GALNS: variants seen among roughly 807,000 people sequenced by gnomAD.
GALNS encodes the protein N-acetylgalactosamine-6-sulfatase.
In GALNS, 65 loss-of-function variants were observed where a neutral mutation model predicts 65.9. That is an observed-to-expected ratio of 0.99 (90% CI 0.81 to 1.21). GALNS has a LOEUF of 1.21. GALNS is among the 50% of genes most tolerant of loss of function. The pLI is 0.00. For missense variants in GALNS, 776 were observed against 700.7 expected, an observed-to-expected ratio of 1.11 and a Z score of -1.21; for synonymous variants, 346 against 288.9, an observed-to-expected ratio of 1.20 and a Z score of -2.00.
At position 88,856,810 on chromosome 16, in the gene GALNS, CCCA is replaced by C. The variant is rs1215205409; in HGVS notation, c.65_67del (p.Met22_Gly23delinsArg). 6.5e-7 allele frequency: 1 copy of C among 1,538,490 alleles called. No homozygotes were observed. ...GGGGGGCTGCGGGGCGCCCGAGGCC[CCCA>C]TCCCCGCGGCGCTGAGCACCAGCAA... On this transcript the variant is annotated inframe_deletion, in exon 1 of 14. Transcript: ENST00000268695.
chr16:88,832,013 G>A lies in GALNS; in HGVS notation c.987C>T (p.His329=), dbSNP rs750730964. The A allele has an allele frequency of 1.7e-5, 28 of 1,613,284 alleles. No homozygotes were observed. The highest frequency in any genetic ancestry group is 6.6e-5 in the South Asian group (6 of 91,058). ...REPALAWWPG[H]VTAGQVSHQL... The stretch of plus-strand genomic sequence containing the variant: ...GCTGACTCACCTGGCCTGCAGTGAC[G>A]TGCCCTGGCCACCATGCGAGGGCAG... Residue 329 remains histidine (H), a synonymous_variant, in exon 9 of 14, where the codon CAC becomes CAT. Transcript: ENST00000268695.
chr16:88,836,884 C>T (rs906030770), intron 5 of GALNS, among the ~76,000 whole-genome samples: 22 of 152,318 alleles, frequency 1.4e-4, no homozygotes, highest in African/African-American at 2.6e-4. Context: ...GGGGAGCCGC[C>T]GCTCAGGCCA....
intron 1 of GALNS, chr16:88,855,371 C>G (rs546808095): frequency 2.8e-6 from 2 of 702,532 alleles, no homozygotes; most frequent in Admixed American, 2.0e-5. Flanking sequence ...AGTATCTACA[C>G]TGGCCCAGAG....
intron 1 of GALNS, among the ~76,000 whole-genome samples, chr16:88,852,197 T>G (rs1233746343): frequency 1.3e-5 from 2 of 152,218 alleles, no homozygotes; most frequent in Non-Finnish European, 2.9e-5. Flanking sequence ...TATTCTGCAA[T>G]AGTTGCTGTT....
chr16:88,842,647 G>C, intron 2 of GALNS, 59 bp downstream of exon 2: 1 of 1,595,082 alleles, frequency 6.3e-7, no homozygotes, highest in East Asian at 2.3e-5. Context: ...GGAAGGACCC[G>C]GGAGGCCTCG....
At chr16:88,821,313 G>A (rs1030771435) in intron 12 of GALNS, among the ~76,000 whole-genome samples, 30 of 131,812 alleles carry the variant, frequency 2.3e-4, no homozygotes, top group Non-Finnish European at 3.3e-5. Context: ...GTCTCGTCCC[G>A]TGGCCTTCAC....
intron 1 of GALNS, chr16:88,855,620 T>C (rs1967790490): frequency 1.3e-5 from 8 of 629,206 alleles, no homozygotes; most frequent in Non-Finnish European, 1.4e-5. Context: ...TCTGTTATCT[T>C]TTCAAGTATA....
chr16:88,815,510 C>A, intron 13 of GALNS: 1 of 985,496 alleles, frequency 1.0e-6, no homozygotes, highest in Non-Finnish European at 1.2e-6. Flanking sequence ...TTAGCGGAAG[C>A]CTTGCTTGAT....
chr16:88,853,612 G>A (rs894572533), intron 1 of GALNS, among the ~76,000 whole-genome samples: 2 of 152,202 alleles, frequency 1.3e-5, no homozygotes, highest in African/African-American at 4.8e-5. Context: ...GCTCGCCCTG[G>A]GAGGCAGGAG....
intron 13 of GALNS, chr16:88,816,512 C>T: frequency 1.1e-6 from 1 of 883,462 alleles, no homozygotes; most frequent in Non-Finnish European, 1.4e-6. Context: ...ACTTGCCAGG[C>T]ACCCCCGCCC....
chr16:88,817,995 C>A lies in GALNS; in HGVS notation c.1482+12G>T. On this transcript the variant is annotated intron_variant, in intron 13 of 13. Transcript: ENST00000268695. ...CGGCAAAGAGACGGCCGCCCACACACCAGCCACTTACCATGACCGCCCAGT... is the reference window on the plus strand; with the variant it reads ...CGGCAAAGAGACGGCCGCCCACACAACAGCCACTTACCATGACCGCCCAGT... 6.4e-7 allele frequency: 1 copy of A among 1,569,210 alleles called. No individual in the cohort carries two copies. Among genetic ancestry groups the A allele is most frequent in the East Asian group, 2.3e-5 (1 of 42,620 alleles).
rs117279964 is a variant in GALNS at position 88,824,551 on chromosome 16, G to A, written c.1242+216C>T. 2.0e-4 allele frequency among the ~76,000 whole-genome samples: 30 copies of A among 152,242 alleles called. No individual in the cohort carries two copies. The East Asian group carries it at 5.4e-3, about 27-fold the overall frequency. On this transcript the variant is annotated intron_variant, in intron 11 of 13. Transcript: ENST00000268695. ...TATGCCGCGGGGCTACTGTCATCACGCGGGGCAGGAAGAGGTCCCTCCCTC... is the reference window on the plus strand; with the variant it reads ...TATGCCGCGGGGCTACTGTCATCACACGGGGCAGGAAGAGGTCCCTCCCTC...
intron 12 of GALNS, among the ~76,000 whole-genome samples, chr16:88,820,181 T>C (rs1465319086): frequency 6.6e-6 from 1 of 151,748 alleles, no homozygotes; most frequent in Non-Finnish European, 1.5e-5. Context: ...CAGGCTGGAG[T>C]GCAGTGGTGC....
Position 88,835,843 on chromosome 16 carries a change from G to A in GALNS, c.640C>T (p.Leu214=). ...NLTQIYLQEA[L]DFIKRQARHH... ...CGTGCCTGTCTCTTAATGAAGTCCA[G>A]GGCTTCCTATGGAGAGAGCCACACC... Residue 214 remains leucine (L), a synonymous_variant, in exon 7 of 14, where the codon CTG becomes TTG. Coordinates refer to ENST00000268695, the MANE Select transcript of GALNS (RefSeq NM_000512.5). The A allele has an allele frequency of 6.2e-7, 1 of 1,614,046 alleles. No homozygotes were observed. Among genetic ancestry groups the A allele is most frequent in the Non-Finnish European group, 8.5e-7 (1 of 1,180,010 alleles).
At chr16:88,820,821 G>A (rs114582428) in intron 12 of GALNS, among the ~76,000 whole-genome samples, 9 of 152,362 alleles carry the variant, frequency 5.9e-5, no homozygotes, top group African/African-American at 1.9e-4. Context: ...AACCTCGGGT[G>A]GTCCCTGGAG....
In GALNS at chr16:88,822,604, T is replaced by C. The variant is rs2142992313; in HGVS notation, c.1349A>G (p.Glu450Gly). The change falls in exon 12 of 14, where the codon GAG becomes GGG. Residue 450 changes from glutamate (E) to glycine (G), a missense_variant. Coordinates refer to ENST00000268695, the MANE Select transcript of GALNS (RefSeq NM_000512.5). ...ACCGACTCACCTGAGGGGGAACCTCTCCCCTGGGTCCCGTCCCAGGTGGAA... is the reference window on the plus strand; with the variant it reads ...ACCGACTCACCTGAGGGGGAACCTCCCCCCTGGGTCCCGTCCCAGGTGGAA... ...LIFHLGRDPGERFPLSFASAE... is the reference protein window; with the variant it reads ...LIFHLGRDPGGRFPLSFASAE... The C allele has an allele frequency of 6.2e-7, 1 of 1,612,582 alleles. No individual in the cohort carries two copies. The highest frequency in any genetic ancestry group is 8.5e-7 in the Non-Finnish European group (1 of 1,179,710).
intron 4 of GALNS, 63 bp downstream of exon 4, chr16:88,840,921 ATGTCCCTT>A: frequency 8.3e-7 from 1 of 1,207,940 alleles, no homozygotes; most frequent in South Asian, 1.2e-5. Context: ...ACTTGTGGCC[ATGTCCCTT>A]GGAACCAAGG....
At chr16:88,817,912 G>A (rs1355319622) in intron 13 of GALNS, 95 bp downstream of exon 13, 1 of 1,051,872 alleles carries the variant, frequency 9.5e-7, no homozygotes, top group South Asian at 1.3e-5. Context: ...AAGCACGCCT[G>A]CCTCTGCCCT....
At chr16:88,856,659 C>T in intron 1 of GALNS, 99 bp downstream of exon 1, 1 of 379,644 alleles carries the variant, frequency 2.6e-6, no homozygotes, top group Non-Finnish European at 5.1e-6. Context: ...ACCTCTCCCC[C>T]CACCCCGCCC....
Sources: gnomAD v4.1 joint callset for allele counts (sites outside exome capture counted in the v4.1 genomes callset) on GRCh38, gnomAD v4.1.1 for gene constraint, MANE v1.5 for transcripts, NCBI Gene and HGNC (gene_info 2026-07-23, HGNC 2026-07-21) for gene names.